KRTAP4-16: variants seen among roughly 807,000 people sequenced by gnomAD.
KRTAP4-16 encodes the protein keratin associated protein 4-16, also known as keratin-associated protein 4-16.
For synonymous variants in KRTAP4-16, 140 were observed against 88.8 expected (o/e 1.58, Z -3.24); for missense variants, 378 against 233.5 (o/e 1.62, Z -4.03).
At chr17:41,101,575 G>T in exon 1 of KRTAP4-16, 3 of 339,358 alleles carry the variant, frequency 8.8e-6, no homozygotes, top group Non-Finnish European at 1.5e-5. Context: ...GAGGGGAGGG[G>T]AAAGTGAAGG....
At chr17:41,102,005 A>G in exon 1 of KRTAP4-16, 1 of 1,586,972 alleles carries the variant, frequency 6.3e-7, no homozygotes, top group Non-Finnish European at 8.5e-7. Flanking sequence ...GTGGTCTGAC[A>G]GCAGCTGGGG....
At chr17:41,101,610 GGGGAT>G in the KRTAP4-16 span, 1 of 414,466 alleles carries the variant, frequency 2.4e-6, no homozygotes, top group Admixed American at 4.2e-5. Flanking sequence ...GGGAAGGGGA[GGGGAT>G]TAACACTGGG....
At chr17:41,101,799 G>A (rs2013989672) in exon 1 of KRTAP4-16, 1 of 1,566,100 alleles carries the variant, frequency 6.4e-7, no homozygotes, top group African/African-American at 1.4e-5. Context: ...CGTGGCAGGA[G>A]ACTCGACCAC....
exon 1 of KRTAP4-16, chr17:41,101,665 G>T: frequency 1.9e-6 from 1 of 538,142 alleles, no homozygotes; most frequent in Non-Finnish European, 3.3e-6. Flanking sequence ...GGAGGGGAGG[G>T]CAAGGGAAAG....
chr17:41,101,520 G>A (rs776879397), exon 1 of KRTAP4-16: 4 of 426,470 alleles, frequency 9.4e-6, no homozygotes, highest in African/African-American at 2.9e-5. Flanking sequence ...GCATGCTCTT[G>A]GGATTAACAC....
At chr17:41,101,931 G>A (rs1199090551) in exon 1 of KRTAP4-16, 1 of 1,610,928 alleles carries the variant, frequency 6.2e-7, no homozygotes, top group Non-Finnish European at 8.5e-7. Flanking sequence ...CGGAATGGCA[G>A]CACTGGGGTC....
chr17:41,102,094 C>T, exon 1 of KRTAP4-16: 1 of 1,587,856 alleles, frequency 6.3e-7, no homozygotes, highest in Non-Finnish European at 8.6e-7. Context: ...GCTGTGGGAG[C>T]AGGAGGTGGT....
chr17:41,101,760 G>A (rs1168195382), exon 1 of KRTAP4-16: 1 of 1,489,504 alleles, frequency 6.7e-7, no homozygotes, highest in Admixed American at 2.0e-5. Context: ...GGCAGGTGGA[G>A]ATGACACAGG....
exon 1 of KRTAP4-16, chr17:41,101,711 G>T: frequency 2.0e-6 from 2 of 1,011,740 alleles, no homozygotes; most frequent in Non-Finnish European, 2.9e-6. Context: ...GAAGGGAAGG[G>T]GAGGGGAAGG....
At chr17:41,101,890 CTGGGGTGGCAGCAGG>C in exon 1 of KRTAP4-16, 1 of 1,610,704 alleles carries the variant, frequency 6.2e-7, no homozygotes, top group Non-Finnish European at 8.5e-7. Flanking sequence ...GATGCAGCAG[CTGGGGTGGCAGCAGG>C]TGGGCTGGAA....
At chr17:41,101,980 G>T (rs543599574) in exon 1 of KRTAP4-16, 4 of 1,603,674 alleles carry the variant, frequency 2.5e-6, no homozygotes, top group East Asian at 2.2e-5. Flanking sequence ...GTGGCAGCAG[G>T]TCGTCCTGCA....
chr17:41,102,134 G>T, exon 1 of KRTAP4-16: 2 of 1,539,862 alleles, frequency 1.3e-6, no homozygotes, highest in Non-Finnish European at 1.8e-6. Flanking sequence ...CAACAGCTGG[G>T]GTGACAGCAG....
exon 1 of KRTAP4-16, chr17:41,101,704 G>C: frequency 1.1e-6 from 1 of 913,276 alleles, no homozygotes; most frequent in Non-Finnish European, 1.6e-6. Context: ...GGGTGGGGAA[G>C]GGAAGGGGAG....
chr17:41,101,916 G>T, the KRTAP4-16 span: 2 of 1,611,152 alleles, frequency 1.2e-6, no homozygotes, highest in Admixed American at 3.3e-5. Context: ...TGGGCTGGAA[G>T]CACACGGAAT....
At chr17:41,102,093 G>A (rs780493277) in exon 1 of KRTAP4-16, 5 of 1,587,666 alleles carry the variant, frequency 3.1e-6, no homozygotes. Context: ...AGCTGTGGGA[G>A]CAGGAGGTGG....
the KRTAP4-16 span, chr17:41,101,724 AG>A: frequency 9.9e-7 from 1 of 1,008,688 alleles, no homozygotes; most frequent in Non-Finnish European, 1.4e-6. Flanking sequence ...GGGGAAGGGG[AG>A]GGGAGGCACA....
chr17:41,101,683 G>T, exon 1 of KRTAP4-16: 2 of 723,740 alleles, frequency 2.8e-6, no homozygotes, highest in Non-Finnish European at 2.3e-6. Flanking sequence ...AAGGAAGAAA[G>T]GGAGGGGAAC....
At chr17:41,101,793 G>A in exon 1 of KRTAP4-16, 3 of 1,560,038 alleles carry the variant, frequency 1.9e-6, no homozygotes, top group Non-Finnish European at 2.6e-6. Context: ...AAGTGACGTG[G>A]CAGGAGACTC....
chr17:41,101,775 G>A (rs7503699), exon 1 of KRTAP4-16: 989,199 of 1,530,510 alleles, frequency 0.65, 326,021 homozygotes, highest in Middle Eastern at 0.69. Context: ...CACAGGTTGG[G>A]TGATAGCAAG....
Sources: gnomAD v4.1 joint callset for allele counts on GRCh38, gnomAD v4.1.1 for gene constraint, MANE v1.5 for transcripts, NCBI Gene and HGNC (gene_info 2026-07-23, HGNC 2026-07-21) for gene names.